Variants in SNX2 observed in about 807,000 individuals in gnomAD.
The protein encoded by SNX2 is sorting nexin-2.
A neutral mutation model predicts 69.9 loss-of-function variants in SNX2; 25 were observed. The ratio of observed to expected loss-of-function variants is 0.36; its 90% CI spans 0.26 to 0.50. The LOEUF (loss-of-function observed/expected upper bound fraction) is 0.50. SNX2 is among the 20% of genes least tolerant of loss of function. The probability of loss-of-function intolerance (pLI) is 0.97; values close to 1 mark genes in which losing one functional copy is unlikely to be tolerated. For synonymous variants in SNX2, 229 were observed against 200.4 expected (o/e 1.14, Z -1.20); for missense variants, 551 against 613.3 (o/e 0.90, Z 1.07).
At chr5:122,827,905 C>A (rs1754191779) in intron 14 of SNX2, 6 of 348,502 alleles carry the variant, frequency 1.7e-5, no homozygotes, top group Non-Finnish European at 2.6e-5. Context: ...TCATGGGCAA[C>A]TTTCCCCTTT....
intron 1 of SNX2, among the ~76,000 whole-genome samples, chr5:122,780,464 T>G (rs192632951): frequency 4.6e-5 from 7 of 152,180 alleles, no homozygotes; most frequent in African/African-American, 1.7e-4. Flanking sequence ...GAAAGTAGAA[T>G]AAGACAGGAG....
At chr5:122,814,336 C>T (rs1391010923) in intron 7 of SNX2, among the ~76,000 whole-genome samples, 1 of 152,186 alleles carries the variant, frequency 6.6e-6, no homozygotes, top group Non-Finnish European at 1.5e-5. Flanking sequence ...CTTGCTGCAT[C>T]CCTTTTTTGG....
rs1433295253 is a variant in SNX2, at chr5:122,808,482, A to G, written c.722+127A>G. 6 of 595,916 alleles carry G rather than the reference A, an allele frequency of 1.0e-5. No individual in the cohort carries two copies. The South Asian group carries it at 1.6e-4, about 16-fold the overall frequency. The allele number at this position is 595,916 out of a possible 1,614,324, so 36.9% of individuals were successfully genotyped here. On this transcript the variant is annotated intron_variant, in intron 7 of 14. Transcript: ENST00000379516. Reference sequence around the variant, plus strand: ...CCAAAGTACCACTTGGTGGCTTTTAAGACTGCTTTAAACTTTTTTAAGAAA... The same window carrying G: ...CCAAAGTACCACTTGGTGGCTTTTAGGACTGCTTTAAACTTTTTTAAGAAA...
In SNX2 at chr5:122,802,108, A is replaced by T. The variant is rs1266050566; in HGVS notation, c.485A>T (p.Tyr162Phe). Residue 162 changes from tyrosine to phenylalanine, a missense_variant, in exon 5 of 15, where the codon TAT becomes TTT. Around this residue, in one of 2 missense-constraint regions of SNX2, gnomAD observed 360 missense variants for 450.4 expected, o/e 0.80. Transcript: ENST00000379516. ...GATGGCATGAATGCCTATATGGCAT[A>T]TAGAGTAACAACAAAGGTGAGCTTT... The part of the protein sequence containing the change: ...VGDGMNAYMA[Y>F]RVTTKTSLSM... 1 of 1,613,840 alleles carries T rather than the reference A, an allele frequency of 6.2e-7. No homozygotes were observed. Among genetic ancestry groups the T allele is most frequent in the East Asian group, 2.2e-5 (1 of 44,842 alleles).
intron 1 of SNX2, 130 bp downstream of exon 1, chr5:122,775,341 G>T (rs1235516922): frequency 7.2e-7 from 1 of 1,388,854 alleles, no homozygotes; most frequent in Non-Finnish European, 9.4e-7. Context: ...TGTGACGCGA[G>T]CCCCACCTCC....
At chr5:122,804,521 A>G (rs1753590007) in intron 6 of SNX2, among the ~76,000 whole-genome samples, 1 of 151,972 alleles carries the variant, frequency 6.6e-6, no homozygotes, top group Admixed American at 6.6e-5. Flanking sequence ...ACACACCACC[A>G]TGCCTGGCTA....
Position 122,827,566 on chromosome 5 carries a change from C to G in SNX2, c.1438-9C>G. The stretch of plus-strand genomic sequence containing the variant: ...CTACTAACGGACTTTTTAAAATGTA[C>G]TTCAACAGAAAGAACGAGTGAAGGA... On this transcript the variant is annotated splice_polypyrimidine_tract_variant and intron_variant, in intron 13 of 14. Coordinates refer to ENST00000379516, the MANE Select transcript of SNX2 (RefSeq NM_003100.4). 1 of 1,611,764 alleles carries G rather than the reference C, an allele frequency of 6.2e-7. No individual in the cohort carries two copies.
At chr5:122,796,722 C>A (rs190884739) in intron 2 of SNX2, among the ~76,000 whole-genome samples, 1 of 152,210 alleles carries the variant, frequency 6.6e-6, no homozygotes, top group Non-Finnish European at 1.5e-5. Context: ...TTAAATTATC[C>A]ATTTTTTTAA....
intron 6 of SNX2, among the ~76,000 whole-genome samples, chr5:122,806,168 A>ACACACACACACAC (rs1491247026): frequency 8.9e-5 from 13 of 145,620 alleles, no homozygotes; most frequent in Non-Finnish European, 1.1e-4. Context: ...ACACACACAC[A>ACACACACACACAC]GCCCACCATT....
intron 7 of SNX2, among the ~76,000 whole-genome samples, chr5:122,811,825 C>CTAAATAAATAAATAAA (rs376912042): frequency 0.11 from 14,201 of 131,830 alleles, 886 homozygotes; most frequent in Non-Finnish European, 0.13. Context: ...GACTCCGTCT[C>CTAAATAAATAAATAAA]TAAATAAATA....
At chr5:122,814,830 A>T (rs1422155627) in intron 7 of SNX2, among the ~76,000 whole-genome samples, 2 of 151,716 alleles carry the variant, frequency 1.3e-5, no homozygotes, top group African/African-American at 4.8e-5. Flanking sequence ...GCTCACTCCA[A>T]CCTCCACCCT....
intron 2 of SNX2, 140 bp from the exon 3 acceptor site, chr5:122,799,552 G>C: frequency 1.9e-6 from 1 of 527,580 alleles, no homozygotes; most frequent in Non-Finnish European, 3.2e-6. Flanking sequence ...AAATTCCTTT[G>C]TGATAATTAT....
intron 1 of SNX2, among the ~76,000 whole-genome samples, chr5:122,794,330 A>AC (rs1204321779): frequency 1.3e-5 from 2 of 152,100 alleles, no homozygotes; most frequent in African/African-American, 2.4e-5. Context: ...AAACAAACAA[A>AC]AAAAACAAGA....
At chr5:122,811,216 T>C (rs1373548420) in intron 7 of SNX2, among the ~76,000 whole-genome samples, 1 of 152,180 alleles carries the variant, frequency 6.6e-6, no homozygotes, top group African/African-American at 2.4e-5. Flanking sequence ...ATATCTGGTA[T>C]TAAAGGTTAG....
chr5:122,803,455 C>T lies in SNX2; in HGVS notation c.502-17C>T. On this transcript the variant is annotated splice_polypyrimidine_tract_variant and intron_variant, in intron 5 of 14. Transcript: ENST00000379516. The stretch of plus-strand genomic sequence containing the variant: ...GCTTGCTATTCAAAATTTGAAACAC[C>T]TCTTCTTCACTTGTAGACATCTCTT... The T allele has an allele frequency of 1.3e-6, 2 of 1,586,910 alleles. No homozygotes were observed. Among genetic ancestry groups the T allele is most frequent in the Non-Finnish European group, 1.7e-6 (2 of 1,169,816 alleles).
intron 3 of SNX2, among the ~76,000 whole-genome samples, chr5:122,800,532 C>T (rs1247982460): frequency 1.3e-5 from 2 of 151,994 alleles, no homozygotes; most frequent in African/African-American, 4.8e-5. Flanking sequence ...AAGTACAGGG[C>T]TAGATGTCAG....
intron 3 of SNX2, among the ~76,000 whole-genome samples, chr5:122,801,450 C>T (rs1385680400): frequency 1.3e-5 from 2 of 151,718 alleles, no homozygotes; most frequent in Non-Finnish European, 2.9e-5. Context: ...AGTAAAAATA[C>T]AAAAATCACC....
chr5:122,819,708 T>A (rs569342050), intron 11 of SNX2, among the ~76,000 whole-genome samples: 2 of 152,362 alleles, frequency 1.3e-5, no homozygotes, highest in South Asian at 4.1e-4. Context: ...TGAATTTTTG[T>A]TATGGATATT....
chr5:122,806,149 C>T (rs1250051197), intron 6 of SNX2, among the ~76,000 whole-genome samples: 1 of 96,760 alleles, frequency 1.0e-5, no homozygotes, highest in Non-Finnish European at 2.1e-5. Flanking sequence ...CGCGCACACA[C>T]ACACACACAC....
Sources: allele counts gnomAD v4.1 joint callset (sites outside exome capture counted in the v4.1 genomes callset), GRCh38; gene constraint gnomAD v4.1.1; regional missense constraint gnomAD v4.1.1; transcripts MANE v1.5; gene names NCBI Gene and HGNC (gene_info 2026-07-23, HGNC 2026-07-21).